Variants in ALG11 observed in about 807,000 individuals in gnomAD.
ALG11 encodes ALG11 alpha-1,2-mannosyltransferase, also known as GDP-Man:Man(3)GlcNAc(2)-PP-Dol alpha-1,2-mannosyltransferase.
A neutral mutation model predicts 38.8 loss-of-function variants in ALG11; 26 were observed. The observed-to-expected ratio is 0.67, with a 90% CI of 0.49 to 0.93. The LOEUF is 0.93. Among genes scored for constraint, ALG11 ranks in the 40% least tolerant of loss-of-function variants. The pLI is 0.00. For missense variants in ALG11, 535 were observed against 578.8 expected (o/e 0.92, Z 0.78); for synonymous variants, 199 against 211.6 (o/e 0.94, Z 0.52).
Position 52,019,133 on chromosome 13 carries a change from C to CT in ALG11, c.266dup (p.Gln90AlafsTer6), listed in dbSNP as rs765214354. The CT allele has an allele frequency of 6.2e-7, 1 of 1,612,970 alleles. No homozygotes were observed. The highest frequency in any genetic ancestry group is 1.7e-5 in the Admixed American group (1 of 59,966). ...AGTTTTATGGTGTGCTTTAAGAGCCCTGCAGAAAAAGTAGGTATCCATCTT... is the reference window on the plus strand; with the variant it reads ...AGTTTTATGGTGTGCTTTAAGAGCCCTTGCAGAAAAAGTAGGTATCCATCTT... On this transcript the variant is annotated frameshift_variant, in exon 2 of 4. Transcript: ENST00000521508. LOFTEE classifies it high-confidence loss of function.
rs886704233 is a variant in ALG11 at position 52,018,829 on chromosome 13, G to A, written c.45-84G>A. 6.4e-6 allele frequency: 7 copies of A among 1,090,938 alleles called. No homozygotes were observed. The African/African-American group carries it at 1.1e-4, about 17-fold the overall frequency. The allele number at this position is 1,090,938 out of a possible 1,614,324, so 67.6% of individuals were successfully genotyped here. A position where few individuals can be genotyped will look rare whatever the true frequency, so the allele number is the denominator to read the frequency against. ...TCTCTCTTTGTTACTAATATATAAA[G>A]TAGATATGTAAAAGCAGACTTTAAT... On this transcript the variant is annotated intron_variant, in intron 1 of 3. Transcript: ENST00000521508.
Position 52,028,429 on chromosome 13 carries a change from G to A in ALG11, c.1318G>A (p.Glu440Lys). Residue 440 changes from glutamate (E) to lysine (K), a missense_variant, in exon 4 of 4, where the codon GAG becomes AAG. Physicochemically the swap from Glu to Lys is moderately conservative, Grantham distance 56. Transcript: ENST00000521508. Reference protein sequence around the residue: ...HEGDITGFLAESEEDYAETIA... With the variant: ...HEGDITGFLAKSEEDYAETIA... ...AGGAGATATAACTGGCTTTCTGGCTGAGAGTGAAGAAGACTATGCTGAAAC... is the reference window on the plus strand; with the variant it reads ...AGGAGATATAACTGGCTTTCTGGCTAAGAGTGAAGAAGACTATGCTGAAAC... 1 of 1,614,170 alleles carries A rather than the reference G, an allele frequency of 6.2e-7. No individual in the cohort carries two copies.
Position 52,024,039 on chromosome 13 carries a change from C to A in ALG11, c.309C>A (p.Gly103=). 2 of 1,613,986 alleles carry A rather than the reference C, an allele frequency of 1.2e-6. No homozygotes were observed. The highest frequency in any genetic ancestry group is 2.7e-5 in the African/African-American group (2 of 74,992). ...AAGCAGTTTATGTTGTTTATACCGG[C>A]GATGTTAATGTCAACGGTCAACAGA... ...YPEAVYVVYT[G]DVNVNGQQIL... is the part of the protein sequence containing the mutation. The change falls in exon 3 of 4, where the codon GGC becomes GGA. Residue 103 remains glycine (G), a synonymous_variant. Coordinates refer to ENST00000521508, the MANE Select transcript of ALG11 (RefSeq NM_001004127.3).
At position 52,029,488 on chromosome 13, in the gene ALG11, G is replaced by A; in HGVS notation, c.*898G>A. ...AGATGCACCGAGCAGAGCTTCAGAG[G>A]GCTCGGGCTCTGCAGTCCTACTATG... On this transcript the variant is annotated 3_prime_UTR_variant, in exon 4 of 4. Coordinates refer to ENST00000521508, the MANE Select transcript of ALG11 (RefSeq NM_001004127.3). The A allele has an allele frequency of 6.2e-7, 1 of 1,614,076 alleles. No homozygotes were observed. Among genetic ancestry groups the A allele is most frequent in the East Asian group, 2.2e-5 (1 of 44,874 alleles).
Position 52,024,468 on chromosome 13 carries a change from T to C in ALG11, c.738T>C (p.Leu246=). 6.2e-7 allele frequency: 1 copy of C among 1,614,152 alleles called. No individual in the cohort carries two copies. The highest frequency in any genetic ancestry group is 8.5e-7 in the Non-Finnish European group (1 of 1,180,006). The change falls in exon 3 of 4, where the codon CTT becomes CTC. Residue 246 remains leucine, a synonymous_variant. Transcript: ENST00000521508. ...ATTTATTTGCTTTTATTTATGGACT[T>C]GTTGGTTCTTGCAGTGATGTAGTCA... The part of the protein sequence containing the change: ...YYYLFAFIYG[L]VGSCSDVVMV...
At chr13:52,017,923 T>C (rs1183702958) in intron 1 of ALG11, among the ~76,000 whole-genome samples, 2 of 152,208 alleles carry the variant, frequency 1.3e-5, no homozygotes, top group African/African-American at 2.4e-5. Context: ...TTTTCACTGG[T>C]CCTGACTTTT....
At chr13:52,014,380 T>G (rs1480567102) in intron 1 of ALG11, among the ~76,000 whole-genome samples, 1 of 152,212 alleles carries the variant, frequency 6.6e-6, no homozygotes, top group Non-Finnish European at 1.5e-5. Flanking sequence ...TATTTTCAAA[T>G]GAATTCATAA....
At chr13:52,019,307 C>T (rs1954164607) in intron 2 of ALG11, among the ~76,000 whole-genome samples, 164 bp downstream of exon 2, 1 of 150,174 alleles carries the variant, frequency 6.7e-6, no homozygotes, top group African/African-American at 2.4e-5. Context: ...CTGCAAGCTC[C>T]GCCTCCCAGG....
rs115524395 is a variant in ALG11 at position 52,024,890 on chromosome 13, A to G, written c.1160A>G (p.Glu387Gly). 1.2e-6 allele frequency: 2 copies of G among 1,613,206 alleles called. No homozygotes were observed. The highest frequency in any genetic ancestry group is 2.2e-5 in the South Asian group (2 of 91,074). ...PFDELKNYLSEATIGLHTMWN... is the reference protein window; with the variant it reads ...PFDELKNYLSGATIGLHTMWN... Reference sequence around the variant, plus strand: ...GATGAATTAAAGAATTATTTGTCTGAAGCAACAATTGGTCTGCATACCATG... The same window carrying G: ...GATGAATTAAAGAATTATTTGTCTGGAGCAACAATTGGTCTGCATACCATG... Residue 387 changes from glutamate (E) to glycine (G), a missense_variant, in exon 3 of 4, where the codon GAA becomes GGA. Glu to Gly is a moderately conservative substitution (Grantham distance 98). Coordinates refer to ENST00000521508, the MANE Select transcript of ALG11 (RefSeq NM_001004127.3).
intron 1 of ALG11, 30 bp downstream of exon 1, chr13:52,012,492 C>T (rs777163749): frequency 8.7e-6 from 14 of 1,613,918 alleles, no homozygotes; most frequent in Admixed American, 1.7e-5. Context: ...GGCTCACAGA[C>T]GTTTTCTCTT....
In ALG11 at chr13:52,028,019, G is replaced by A. The variant is rs572596297; in HGVS notation, c.1208-300G>A. On this transcript the variant is annotated intron_variant, in intron 3 of 3. Transcript: ENST00000521508. ...ACGCTGGTAAATCCCAGCACTTTGGGAGGCCAAGATGGGAGGACCACTTGA... is the reference window on the plus strand; with the variant it reads ...ACGCTGGTAAATCCCAGCACTTTGGAAGGCCAAGATGGGAGGACCACTTGA... Among the ~76,000 whole-genome samples the A allele has an allele frequency of 7.2e-5, 11 of 152,120 alleles. No individual in the cohort carries two copies. The South Asian group carries it at 1.9e-3, about 26-fold the overall frequency.
chr13:52,027,236 TTATC>T (rs1954249970), intron 3 of ALG11, among the ~76,000 whole-genome samples: 1 of 152,018 alleles, frequency 6.6e-6, no homozygotes, highest in South Asian at 2.1e-4. Flanking sequence ...TTCAGTAAGT[TTATC>T]TGTGAAGTAC....
In ALG11 at chr13:52,019,045, GAA is replaced by G. The variant is rs1309464003; in HGVS notation, c.181_182del (p.Asn61SerfsTer34). 6.2e-7 allele frequency: 1 copy of G among 1,613,786 alleles called. No homozygotes were observed. The highest frequency in any genetic ancestry group is 1.3e-5 in the African/African-American group (1 of 74,830). On this transcript the variant is annotated frameshift_variant, in exon 2 of 4. Coordinates refer to ENST00000521508, the MANE Select transcript of ALG11 (RefSeq NM_001004127.3). LOFTEE classifies it high-confidence loss of function. Reference sequence around the variant, plus strand: ...AATTAGTGTCAACTAGCAAAAATGGGAAAAATCAAATGGTGATTGCATTTTTT... The same window carrying G: ...AATTAGTGTCAACTAGCAAAAATGGGAAATCAAATGGTGATTGCATTTTTT... ...KKLVSTSKNG[K>X]NQMVIAFFHP...
rs893185674 is a variant in ALG11, at chr13:52,029,646, A to G, written c.*1056A>G. ...GTTAATCCAACTGTGGCACTGGAAG[A>G]AATGGAAAAAATTGAAAATGCCAGA... On this transcript the variant is annotated 3_prime_UTR_variant, in exon 4 of 4. Transcript: ENST00000521508. 6.2e-7 allele frequency: 1 copy of G among 1,614,236 alleles called. No individual in the cohort carries two copies. Among genetic ancestry groups the G allele is most frequent in the Non-Finnish European group, 8.5e-7 (1 of 1,180,034 alleles).
rs373635292 is a variant in ALG11 at position 52,013,327 on chromosome 13, G to A, written c.44+865G>A. On this transcript the variant is annotated intron_variant, in intron 1 of 3. Transcript: ENST00000521508. ...CAGTATATACCTAATTCTTTCAAAA[G>A]TTCAGGCATTTCTTCTTCGTTTTTG... Among the ~76,000 whole-genome samples the A allele has an allele frequency of 3.3e-5, 5 of 152,250 alleles. No homozygotes were observed. In the East Asian group the frequency reaches 9.6e-4, roughly 29 times the overall value.
chr13:52,028,324 G>A lies in ALG11; in HGVS notation c.1213G>A (p.Val405Met). 6.2e-7 allele frequency: 1 copy of A among 1,614,128 alleles called. No homozygotes were observed. ...ATTTGTGTTTTTTTTCTCAGGAGTTGTGGAGTGTATGGCAGCTGGCACAAT... is the reference window on the plus strand; with the variant it reads ...ATTTGTGTTTTTTTTCTCAGGAGTTATGGAGTGTATGGCAGCTGGCACAAT... Reference protein sequence around the residue: ...MWNEHFGIGVVECMAAGTIIL... With the variant: ...MWNEHFGIGVMECMAAGTIIL... The change falls in exon 4 of 4, where the codon GTG (valine) becomes ATG (methionine). Residue 405 changes from valine (V) to methionine (M), a missense_variant. Physicochemically the swap from Val to Met is conservative, Grantham distance 21. Transcript: ENST00000521508.
At chr13:52,015,250 T>G (rs1427459765) in intron 1 of ALG11, among the ~76,000 whole-genome samples, 1 of 152,102 alleles carries the variant, frequency 6.6e-6, no homozygotes, top group Non-Finnish European at 1.5e-5. Context: ...AAAAAACATT[T>G]TTTTAATTAG....
intron 2 of ALG11, chr13:52,022,571 C>T (rs1954193008): frequency 6.6e-6 from 1 of 152,220 alleles, no homozygotes; most frequent in African/African-American, 2.4e-5. Flanking sequence ...GCGTAGCACA[C>T]AGTTTTGCAG....
Position 52,031,126 on chromosome 13 carries a change from ACAGT to A in ALG11, c.*2540_*2543del, listed in dbSNP as rs745398264. ...TGTAGGTTGTGTAGCTGGAGAAGTG[ACAGT>A]CAGGGGCCCTGATTCCACTTCCTTT... On this transcript the variant is annotated 3_prime_UTR_variant, in exon 4 of 4. Transcript: ENST00000521508. 44 of 1,587,790 alleles carry A rather than the reference ACAGT, an allele frequency of 2.8e-5. No individual in the cohort carries two copies. Among genetic ancestry groups the A allele is most frequent in the Admixed American group, 1.0e-4 (6 of 57,518 alleles).
Sources: allele counts gnomAD v4.1 joint callset (sites outside exome capture counted in the v4.1 genomes callset), GRCh38; gene constraint gnomAD v4.1.1; transcripts MANE v1.5; gene names NCBI Gene and HGNC (gene_info 2026-07-23, HGNC 2026-07-21).